The following IL18BP variants were observed in gnomAD, a reference collection of about 807,000 sequenced individuals.
IL18BP encodes the protein interleukin-18-binding protein.
A neutral mutation model predicts 19.9 loss-of-function variants in IL18BP; 23 were observed. The observed-to-expected ratio is 1.15, with a 90% confidence interval of 0.83 to 1.64. The LOEUF is 1.64. IL18BP is among the 40% of genes most tolerant of loss of function. The pLI, the probability that IL18BP is intolerant of heterozygous loss-of-function variation, is 0.00. For missense variants in IL18BP, 239 were observed against 240.7 expected (o/e 0.99, Z 0.05); for synonymous variants, 107 against 101.0 (o/e 1.06, Z -0.35).
At chr11:72,000,772 A>G (rs1008304200) in intron 3 of IL18BP, among the ~76,000 whole-genome samples, 1 of 152,194 alleles carries the variant, frequency 6.6e-6, no homozygotes, top group Non-Finnish European at 1.5e-5. Context: ...AACTCAAGAC[A>G]TAAGTAATGG....
In IL18BP at chr11:72,000,005, G is replaced by A; in HGVS notation, c.21G>A (p.Trp7Ter). Reference sequence around the variant, plus strand: ...GCATCATGACCATGAGACACAACTGGACACCAGGTAGGCCTTGGGGCTACG... The same window carrying A: ...GCATCATGACCATGAGACACAACTGAACACCAGGTAGGCCTTGGGGCTACG... MTMRHN[W>*]TPDLSPLWVL... Residue 7 changes from tryptophan to a stop codon, truncating the protein, a stop_gained, in exon 2 of 6, where the codon TGG (tryptophan) becomes TGA (stop). Transcript: ENST00000393703. LOFTEE classifies it high-confidence loss of function. 1 of 1,613,916 alleles carries A rather than the reference G, an allele frequency of 6.2e-7. No homozygotes were observed. The highest frequency in any genetic ancestry group is 8.5e-7 in the Non-Finnish European group (1 of 1,179,834).
At position 72,001,501 on chromosome 11, in the gene IL18BP, C is replaced by T. The variant is rs779290296; in HGVS notation, c.456C>T (p.Leu152=). 35 of 1,613,810 alleles carry T rather than the reference C, an allele frequency of 2.2e-5. No individual in the cohort carries two copies. In the Admixed American group the frequency reaches 3.7e-4, roughly 17 times the overall value. Residue 152 remains leucine, a synonymous_variant, in exon 5 of 6, where the codon CTC becomes CTT. Transcript: ENST00000393703. ...ACAGCACCAACTTCTCCTGTGTGCT[C>T]GTGGACCCTGAACAGGTTGTCCAGC... ...ALHSTNFSCV[L]VDPEQVVQRH...
At chr11:72,003,838 G>GCCCAT, downstream of IL18BP, 1 of 1,583,766 alleles carries the variant, frequency 6.3e-7, no homozygotes, top group Non-Finnish European at 8.6e-7. Flanking sequence ...TCTGGGGGGT[G>GCCCAT]CCCATGCTCT....
chr11:72,005,929 AAGG>A, downstream of IL18BP: 1 of 945,792 alleles, frequency 1.1e-6, no homozygotes, highest in African/African-American at 1.6e-5. Context: ...GGATGGTAGC[AAGG>A]AGGCCAGCCT....
At chr11:72,006,468 C>G (rs1467789155), downstream of IL18BP, among the ~76,000 whole-genome samples, 6 of 152,220 alleles carry the variant, frequency 3.9e-5, no homozygotes, top group Admixed American at 3.3e-4. Flanking sequence ...CAAGACTCTT[C>G]TACGCATTTT....
chr11:72,004,356 A>G, downstream of IL18BP: 1 of 1,604,138 alleles, frequency 6.2e-7, no homozygotes, highest in East Asian at 2.2e-5. Flanking sequence ...GGAGAAGAGG[A>G]CAGTTAGGCA....
At chr11:72,007,353 C>T, downstream of IL18BP, 2 of 1,613,668 alleles carry the variant, frequency 1.2e-6, no homozygotes, top group South Asian at 1.1e-5. Flanking sequence ...AGGGATTCTA[C>T]CTTGGGGGGC....
downstream of IL18BP, chr11:72,003,480 G>C (rs949324): frequency 0.96 from 1,526,642 of 1,597,992 alleles, 730,964 homozygotes; most frequent in Non-Finnish European, 0.98. Context: ...GACCAGGTGA[G>C]GTCAGCATCG....
In IL18BP at chr11:72,000,558, G is replaced by GT. The variant is rs773242588; in HGVS notation, c.235+2dup. The GT allele has an allele frequency of 3.1e-6, 5 of 1,608,766 alleles. No homozygotes were observed. The highest frequency in any genetic ancestry group is 2.2e-5 in the East Asian group (1 of 44,876). ...TGGCCAGAGGTGGAAGTGCCACTGAGTAAGAAGCACAGTGGTGGAGGGTGG... is the reference window on the plus strand; with the variant it reads ...TGGCCAGAGGTGGAAGTGCCACTGAGTTAAGAAGCACAGTGGTGGAGGGTGG... On this transcript the variant is annotated splice_donor_variant, in intron 3 of 5. Transcript: ENST00000393703. LOFTEE classifies it high-confidence loss of function.
chr11:72,005,997 T>A, downstream of IL18BP: 1 of 1,490,126 alleles, frequency 6.7e-7, no homozygotes, highest in Non-Finnish European at 9.2e-7. Flanking sequence ...CCTTCCAGTC[T>A]AATTTTGGGG....
chr11:72,002,639 C>T lies in IL18BP; in HGVS notation c.*778C>T, dbSNP rs562353186. On this transcript the variant is annotated 3_prime_UTR_variant, in exon 6 of 6. Coordinates refer to ENST00000393703, the MANE Select transcript of IL18BP (RefSeq NM_001039660.2). ...GCCACACAGAAGCTGAAGACAACACCTGCTTCAGGGGAACACAGGCGCTTG... is the reference window on the plus strand; with the variant it reads ...GCCACACAGAAGCTGAAGACAACACTTGCTTCAGGGGAACACAGGCGCTTG... The T allele has an allele frequency of 3.1e-5, 5 of 163,516 alleles. No homozygotes were observed. Among genetic ancestry groups the T allele is most frequent in the African/African-American group, 9.5e-5 (4 of 41,890 alleles). 10.1% of individuals were successfully genotyped at this position (163,516 alleles called of 1,614,324 possible).
chr11:72,007,214 T>C, downstream of IL18BP: 1 of 1,611,054 alleles, frequency 6.2e-7, no homozygotes, highest in Non-Finnish European at 8.5e-7. Context: ...GTTGATGATC[T>C]GCGTGGTGCG....
At chr11:72,000,090 A>G in intron 2 of IL18BP, 78 bp downstream of exon 2, 1 of 1,513,774 alleles carries the variant, frequency 6.6e-7, no homozygotes, top group Non-Finnish European at 9.1e-7. Context: ...GCTAACCCGG[A>G]GCCTTCACTC....
In IL18BP at chr11:72,002,000, TTC is replaced by T. The variant is rs1955278912; in HGVS notation, c.*144_*145del. On this transcript the variant is annotated 3_prime_UTR_variant, in exon 6 of 6. Coordinates refer to ENST00000393703, the MANE Select transcript of IL18BP (RefSeq NM_001039660.2). ...CCCCTCCTTCTCTGCTTTGGGTCCCTTCTCTCACCAAATTCAAACTCCATTCC... is the reference window on the plus strand; with the variant it reads ...CCCCTCCTTCTCTGCTTTGGGTCCCTTCTCACCAAATTCAAACTCCATTCC... 7.8e-7 allele frequency: 1 copy of T among 1,282,056 alleles called. No individual in the cohort carries two copies. Among genetic ancestry groups the T allele is most frequent in the Non-Finnish European group, 1.1e-6 (1 of 932,548 alleles). 79.4% of individuals were successfully genotyped at this position (1,282,056 alleles called of 1,614,324 possible).
chr11:72,001,115 G>C (rs191038067), intron 3 of IL18BP, 86 bp from the exon 4 acceptor site: 2 of 1,540,572 alleles, frequency 1.3e-6, no homozygotes, highest in Admixed American at 1.7e-5. Flanking sequence ...ATGGGGACTG[G>C]GGGGAGCTGG....
At chr11:72,005,271 G>A, downstream of IL18BP, 1 of 1,608,734 alleles carries the variant, frequency 6.2e-7, no homozygotes, top group Non-Finnish European at 8.5e-7. Context: ...AGATGTGGGG[G>A]GCACACTCGA....
chr11:72,006,049 C>G (rs1293448333), downstream of IL18BP: 3 of 1,612,322 alleles, frequency 1.9e-6, no homozygotes, highest in Non-Finnish European at 2.5e-6. Context: ...AGGGGCCCCA[C>G]TGGACACCCC....
downstream of IL18BP, chr11:72,006,140 G>A: frequency 6.2e-7 from 1 of 1,614,188 alleles, no homozygotes; most frequent in Non-Finnish European, 8.5e-7. Context: ...CCATAATCGG[G>A]AGAACCCAGG....
downstream of IL18BP, chr11:72,004,390 C>CAGATG: frequency 6.5e-7 from 1 of 1,535,850 alleles, no homozygotes; most frequent in Non-Finnish European, 9.0e-7. Context: ...GGAGTCACAT[C>CAGATG]TGAAGCCAGG....
Sources: gnomAD v4.1 joint callset for allele counts (sites outside exome capture counted in the v4.1 genomes callset) on GRCh38, gnomAD v4.1.1 for gene constraint, MANE v1.5 for transcripts, NCBI Gene and HGNC (gene_info 2026-07-23, HGNC 2026-07-21) for gene names.